CRB1: variants seen among roughly 807,000 people sequenced by gnomAD.
CRB1 encodes the protein crumbs cell polarity complex component 1.
A neutral mutation model predicts 120.0 loss-of-function variants in CRB1; 83 were observed. The ratio of observed to expected loss-of-function variants is 0.69; its 90% CI spans 0.58 to 0.83. CRB1 has a LOEUF of 0.83. CRB1 is among the 40% of genes least tolerant of loss of function. The probability of loss-of-function intolerance (pLI) is 0.00; values close to 1 mark genes in which losing one functional copy is unlikely to be tolerated. For missense variants in CRB1, 1,699 were observed against 1,687.6 expected, an observed-to-expected ratio of 1.01 and a Z score of -0.12; for synonymous variants, 625 against 612.5, an observed-to-expected ratio of 1.02 and a Z score of -0.30.
chr1:197,369,449 C>G (rs1423161486), intron 5 of CRB1, among the ~76,000 whole-genome samples: 1 of 152,084 alleles, frequency 6.6e-6, no homozygotes, highest in Non-Finnish European at 1.5e-5. Context: ...TATCCAAAAC[C>G]TCTTCCTGAG....
At chr1:197,340,613 C>G (rs1191814955) in intron 2 of CRB1, among the ~76,000 whole-genome samples, 1 of 152,036 alleles carries the variant, frequency 6.6e-6, no homozygotes, top group East Asian at 1.9e-4. Context: ...CACCTTAGAT[C>G]CATTTCTAAG....
chr1:197,240,325 C>T, the CRB1 span, among the ~76,000 whole-genome samples: 3 of 152,076 alleles, frequency 2.0e-5, no homozygotes, highest in South Asian at 2.1e-4. Flanking sequence ...CCCATCAACC[C>T]GTCATCTACG....
At chr1:197,353,814 TAAAAAAA>T (rs57274486) in intron 4 of CRB1, among the ~76,000 whole-genome samples, 4 of 89,430 alleles carry the variant, frequency 4.5e-5, no homozygotes, top group Non-Finnish European at 8.5e-5. Context: ...AATATATAAA[TAAAAAAA>T]AAAAAAAAAA....
At chr1:197,358,802 T>C (rs1181569153) in intron 5 of CRB1, among the ~76,000 whole-genome samples, 1 of 36,108 alleles carries the variant, frequency 2.8e-5, no homozygotes. Flanking sequence ...ATATTACTGG[T>C]CAAATGTAAT....
chr1:197,218,283 A>G, the CRB1 span, among the ~76,000 whole-genome samples: 1 of 152,198 alleles, frequency 6.6e-6, no homozygotes, highest in Non-Finnish European at 1.5e-5. Context: ...TACTGGCAAG[A>G]ACTTTTTAAA....
At chr1:197,206,835 T>C in the CRB1 span, among the ~76,000 whole-genome samples, 1 of 152,280 alleles carries the variant, frequency 6.6e-6, no homozygotes, top group East Asian at 1.9e-4. Context: ...CAGTGGAGTA[T>C]TGAAGTCCCC....
intron 5 of CRB1, 124 bp downstream of exon 5, chr1:197,357,137 G>A (rs1200626600): frequency 5.1e-6 from 5 of 976,840 alleles, no homozygotes; most frequent in Admixed American, 1.9e-5. Context: ...GTGGTGCAAA[G>A]GGTCCCCCTT....
chr1:197,252,821 G>C, the CRB1 span, among the ~76,000 whole-genome samples: 1 of 151,394 alleles, frequency 6.6e-6, no homozygotes, highest in Admixed American at 6.6e-5. Context: ...GAGGGCAGGA[G>C]AATATGGATG....
intron 5 of CRB1, among the ~76,000 whole-genome samples, chr1:197,364,548 A>T (rs77724526): frequency 0.02 from 3,086 of 151,990 alleles, 90 homozygotes; most frequent in African/African-American, 0.067. Context: ...ATGCTTCCAG[A>T]GGTTTCTGAG....
chr1:197,369,338 C>A (rs1378174796), intron 5 of CRB1, among the ~76,000 whole-genome samples: 1 of 151,908 alleles, frequency 6.6e-6, no homozygotes, highest in Non-Finnish European at 1.5e-5. Context: ...CTCAGAAACA[C>A]CCCTCTCCTC....
At chr1:197,382,352 G>T (rs1453917577) in intron 5 of CRB1, among the ~76,000 whole-genome samples, 1 of 152,018 alleles carries the variant, frequency 6.6e-6, no homozygotes, top group Non-Finnish European at 1.5e-5. Flanking sequence ...ACCTTATACT[G>T]CTCCTGGAAT....
the CRB1 span, among the ~76,000 whole-genome samples, chr1:197,262,165 T>C: frequency 1.0e-3 from 159 of 152,272 alleles, 1 homozygote; most frequent in African/African-American, 3.6e-3. Context: ...ACCTTTTGTA[T>C]AGTACGTGTA....
chr1:197,434,732 C>T lies in CRB1; in HGVS notation c.2869C>T (p.Gln957Ter), dbSNP rs878853371. 1 of 1,613,392 alleles carries T rather than the reference C, an allele frequency of 6.2e-7. No homozygotes were observed. Among genetic ancestry groups the T allele is most frequent in the African/African-American group, 1.3e-5 (1 of 74,952 alleles). ...TATTGCAAATGCTGTTTTTAATGGA[C>T]AAAGCGGTCAAATATTATTCAGAAG... ...ECIANAVFNG[Q>*]SGQILFRSNG... Residue 957 changes from glutamine to a stop codon, truncating the protein, a stop_gained, in exon 9 of 12, where the codon CAA becomes TAA. Transcript: ENST00000367400. LOFTEE classifies it high-confidence loss of function.
At chr1:197,252,582 A>ATATATGTGTGTGTGTGTGTG in the CRB1 span, among the ~76,000 whole-genome samples, 2 of 15,498 alleles carry the variant, frequency 1.3e-4, no homozygotes, top group Non-Finnish European at 2.8e-4. Context: ...ATATATATAT[A>ATATATGTGTGTGTGTGTGTG]TGTGTGTGTG....
chr1:197,333,593 A>G (rs1324507862), intron 2 of CRB1, among the ~76,000 whole-genome samples: 1 of 152,224 alleles, frequency 6.6e-6, no homozygotes, highest in Non-Finnish European at 1.5e-5. Context: ...TTATTCCTCT[A>G]TTACAAAATA....
At chr1:197,460,971 T>C (rs1227214128) in intron 11 of CRB1, among the ~76,000 whole-genome samples, 4 of 152,152 alleles carry the variant, frequency 2.6e-5, no homozygotes, top group Non-Finnish European at 5.9e-5. Context: ...TAAATTTTGC[T>C]CTACGGCCCT....
At chr1:197,407,021 C>G (rs893082312) in intron 5 of CRB1, among the ~76,000 whole-genome samples, 2 of 152,202 alleles carry the variant, frequency 1.3e-5, no homozygotes, top group Non-Finnish European at 2.9e-5. Flanking sequence ...CACCTCCTCT[C>G]TCTTCCATAT....
chr1:197,446,181 C>A (rs1665690267), intron 11 of CRB1, among the ~76,000 whole-genome samples: 1 of 115,530 alleles, frequency 8.7e-6, no homozygotes, highest in South Asian at 3.1e-4. Context: ...CAGAGTGAGA[C>A]TTTGTCTCAA....
chr1:197,405,422 G>A (rs1344645319), intron 5 of CRB1, among the ~76,000 whole-genome samples: 16 of 151,448 alleles, frequency 1.1e-4, no homozygotes, highest in Non-Finnish European at 1.8e-4. Flanking sequence ...ATCTCGGCTC[G>A]CTACAACCTC....
Sources: gnomAD v4.1 joint callset for allele counts (sites outside exome capture counted in the v4.1 genomes callset) on GRCh38, gnomAD v4.1.1 for gene constraint, MANE v1.5 for transcripts, NCBI Gene and HGNC (gene_info 2026-07-23, HGNC 2026-07-21) for gene names.